STXBP5: variants seen among roughly 807,000 people sequenced by gnomAD.
STXBP5 encodes syntaxin-binding protein 5.
STXBP5 carries 50 observed loss-of-function variants against 152.4 expected under a neutral mutation model. That is an observed-to-expected ratio of 0.33 (90% CI 0.26 to 0.42). The LOEUF is 0.42. STXBP5 is among the 10% of genes least tolerant of loss of function. The probability of loss-of-function intolerance (pLI) is 1.00; values close to 1 mark genes in which losing one functional copy is unlikely to be tolerated. For synonymous variants in STXBP5, 492 were observed against 494.7 expected, an observed-to-expected ratio of 0.99 and a Z score of 0.07; for missense variants, 1,167 against 1,388.6, an observed-to-expected ratio of 0.84 and a Z score of 2.54.
chr6:147,363,474 A>T lies in STXBP5; in HGVS notation c.2685A>T (p.Lys895Asn). Residue 895 changes from lysine (K) to asparagine (N), a missense_variant, in exon 24 of 28, where the codon AAA becomes AAT. Coordinates refer to ENST00000321680, the MANE Select transcript of STXBP5 (RefSeq NM_001127715.4). ...EEKDEKEKLK[K>N]RRPVSVSPSS... ...AAGACGAAAAGGAGAAATTGAAAAA[A>T]CGGCGGCCTGTCTCAGTATCCCCCT... is the stretch of plus-strand genomic sequence containing the variant. 1 of 1,614,124 alleles carries T rather than the reference A, an allele frequency of 6.2e-7. No individual in the cohort carries two copies. Among genetic ancestry groups the T allele is most frequent in the Non-Finnish European group, 8.5e-7 (1 of 1,180,042 alleles).
At chr6:147,307,504 A>G (rs1782153341) in intron 9 of STXBP5, among the ~76,000 whole-genome samples, 1 of 152,124 alleles carries the variant, frequency 6.6e-6, no homozygotes, top group Non-Finnish European at 1.5e-5. Context: ...TTTGCTGTGA[A>G]GTGCTAAAAT....
chr6:147,286,560 G>A (rs1780971893), intron 8 of STXBP5, among the ~76,000 whole-genome samples: 1 of 152,118 alleles, frequency 6.6e-6, no homozygotes, highest in Admixed American at 6.5e-5. Flanking sequence ...TCAGATGATT[G>A]ATAGCTTATT....
chr6:147,234,174 C>T (rs1778155999), intron 2 of STXBP5, among the ~76,000 whole-genome samples: 1 of 151,664 alleles, frequency 6.6e-6, no homozygotes, highest in African/African-American at 2.4e-5. Flanking sequence ...ATACTGGCAA[C>T]TATAATTTTA....
At chr6:147,228,754 T>A (rs768613151) in intron 2 of STXBP5, among the ~76,000 whole-genome samples, 2 of 152,132 alleles carry the variant, frequency 1.3e-5, no homozygotes, top group Non-Finnish European at 2.9e-5. Flanking sequence ...ACCAAAGACT[T>A]CTTTTCACTA....
chr6:147,313,782 C>T, intron 11 of STXBP5, 102 bp from the exon 12 acceptor site: 1 of 729,030 alleles, frequency 1.4e-6, no homozygotes. Flanking sequence ...TCAATTTAAT[C>T]TCTATGATAG....
chr6:147,292,302 T>C (rs1488723742), intron 9 of STXBP5: 1 of 447,732 alleles, frequency 2.2e-6, no homozygotes, highest in African/African-American at 2.0e-5. Flanking sequence ...ATTCCAACAA[T>C]AGATTAAATG....
intron 21 of STXBP5, among the ~76,000 whole-genome samples, chr6:147,349,109 CTCTGAA>C (rs1784475010): frequency 6.6e-6 from 1 of 151,784 alleles, no homozygotes; most frequent in Non-Finnish European, 1.5e-5. Context: ...TGATATAGCC[CTCTGAA>C]TCTGTTAATT....
At position 147,238,448 on chromosome 6, in the gene STXBP5, A is replaced by G. The variant is rs1381948547; in HGVS notation, c.331-722A>G. ...ATGAGGGATGGTTCACCACCTCTCA[A>G]CACCACTTCACTGGCAATTAAATTT... is the stretch of plus-strand genomic sequence containing the variant. On this transcript the variant is annotated intron_variant, in intron 3 of 27. Transcript: ENST00000321680. Among the ~76,000 whole-genome samples the G allele has an allele frequency of 3.3e-5, 5 of 152,298 alleles. No individual in the cohort carries two copies. In the South Asian group the frequency reaches 8.3e-4, roughly 25 times the overall value.
intron 7 of STXBP5, 26 bp from the exon 8 acceptor site, chr6:147,278,055 A>G: frequency 6.3e-7 from 1 of 1,582,058 alleles, no homozygotes; most frequent in Non-Finnish European, 8.6e-7. Flanking sequence ...TAGATTTTTT[A>G]AATGGTATTT....
chr6:147,358,031 G>A (rs1784890915), intron 22 of STXBP5, among the ~76,000 whole-genome samples: 2 of 152,170 alleles, frequency 1.3e-5, no homozygotes, highest in South Asian at 2.1e-4. Context: ...AAATGCGCCT[G>A]TCATTACAGA....
rs1786369504 is a variant in STXBP5 at position 147,386,966 on chromosome 6, A to C, written c.*2211A>C. ...TTTCCTGTTGTATACAAAATGAACT[A>C]ATCTTGTAATTATTTTCAAATATAG... On this transcript the variant is annotated 3_prime_UTR_variant, in exon 28 of 28. Transcript: ENST00000321680. 6.6e-6 allele frequency: 1 copy of C among 151,924 alleles called. No homozygotes were observed. The highest frequency in any genetic ancestry group is 2.1e-4 in the South Asian group (1 of 4,826). 9.4% of individuals were successfully genotyped at this position (151,924 alleles called of 1,614,324 possible).
chr6:147,205,860 T>C, intron 1 of STXBP5, 111 bp from the exon 2 acceptor site: 1 of 720,096 alleles, frequency 1.4e-6, no homozygotes, highest in East Asian at 2.5e-5. Context: ...TGCATGTGTA[T>C]GTGTTTTGCA....
At chr6:147,341,507 A>G (rs1206410442) in intron 21 of STXBP5, among the ~76,000 whole-genome samples, 2 of 152,202 alleles carry the variant, frequency 1.3e-5, no homozygotes, top group Admixed American at 6.5e-5. Context: ...ACTTATAGGT[A>G]GTTATACAGT....
intron 18 of STXBP5, among the ~76,000 whole-genome samples, chr6:147,331,826 A>AC (rs201528178): frequency 1.0e-3 from 149 of 149,534 alleles, no homozygotes; most frequent in East Asian, 5.5e-3. Context: ...AAAAAAAAAA[A>AC]ACACACAAAA....
intron 8 of STXBP5, among the ~76,000 whole-genome samples, chr6:147,282,928 A>G (rs1780769949): frequency 1.3e-5 from 2 of 152,162 alleles, no homozygotes; most frequent in South Asian, 2.1e-4. Context: ...GAGGAGAATT[A>G]TCTAGGACCA....
At chr6:147,280,796 A>G (rs1780666224) in intron 8 of STXBP5, among the ~76,000 whole-genome samples, 2 of 152,212 alleles carry the variant, frequency 1.3e-5, no homozygotes, top group Middle Eastern at 3.2e-3. Flanking sequence ...AAAAAAGACA[A>G]TATGTGACTT....
chr6:147,305,427 A>G (rs1782040559), intron 9 of STXBP5, among the ~76,000 whole-genome samples: 2 of 152,134 alleles, frequency 1.3e-5, no homozygotes, highest in Admixed American at 6.5e-5. Context: ...GTTTTGGATT[A>G]TTTCATTTTG....
intron 2 of STXBP5, among the ~76,000 whole-genome samples, chr6:147,216,185 A>C (rs1777155907): frequency 6.6e-6 from 1 of 152,178 alleles, no homozygotes; most frequent in African/African-American, 2.4e-5. Flanking sequence ...TGAGGTCAGG[A>C]GTTTGAGACC....
At chr6:147,328,247 T>G (rs1351118750) in intron 18 of STXBP5, among the ~76,000 whole-genome samples, 1 of 152,188 alleles carries the variant, frequency 6.6e-6, no homozygotes, top group East Asian at 1.9e-4. Context: ...AGACTTCCAG[T>G]TGTAACTGGC....
Sources: gnomAD v4.1 joint callset for allele counts (sites outside exome capture counted in the v4.1 genomes callset) on GRCh38, gnomAD v4.1.1 for gene constraint, MANE v1.5 for transcripts, NCBI Gene and HGNC (gene_info 2026-07-23, HGNC 2026-07-21) for gene names.